SLC3A2: variants seen among roughly 807,000 people sequenced by gnomAD.
SLC3A2 encodes solute carrier family 3 member 2.
SLC3A2 carries 32 observed loss-of-function variants against 48.5 expected under a neutral mutation model. That is an observed-to-expected ratio of 0.66 (90% confidence interval 0.50 to 0.89). The LOEUF is 0.89. Among genes scored for constraint, SLC3A2 ranks in the 40% least tolerant of loss-of-function variants. SLC3A2 has a pLI of 0.00. For missense variants in SLC3A2, 587 were observed against 680.7 expected (o/e 0.86, Z 1.53); for synonymous variants, 277 against 288.8 (o/e 0.96, Z 0.41).
chr11:62,885,726 C>G, intron 7 of SLC3A2, 118 bp downstream of exon 7: 1 of 1,111,670 alleles, frequency 9.0e-7, no homozygotes, highest in Non-Finnish European at 1.3e-6. Context: ...GATTCTTAGT[C>G]AGTAGCTGAG....
At chr11:62,876,865 G>A (rs1045209073), upstream of SLC3A2, 2 of 1,049,288 alleles carry the variant, frequency 1.9e-6, no homozygotes, top group Non-Finnish European at 2.4e-6. Context: ...GCCTCCGGAA[G>A]TGCTGGGATT....
chr11:62,867,322 C>CTTTTTTTT (rs56758000), intron 1 of SLC3A2, among the ~76,000 whole-genome samples: 8 of 67,666 alleles, frequency 1.2e-4, no homozygotes, highest in East Asian at 4.1e-4. Context: ...CTTTTCTTTT[C>CTTTTTTTT]TTTTTTTTTT....
At chr11:62,868,418 T>A (rs1364886480) in intron 1 of SLC3A2, among the ~76,000 whole-genome samples, 1 of 146,538 alleles carries the variant, frequency 6.8e-6, no homozygotes, top group Non-Finnish European at 1.5e-5. Context: ...CAGGCTGGAG[T>A]GCAGTGGCAC....
rs367846852 is a variant in SLC3A2 at position 62,885,482 on chromosome 11, C to T, written c.1017C>T (p.Leu339=). ...CCCTGTAGTTGTCTCAGGCAAGGCT[C>T]CTGACTTCCTTCTTGCCGGCTCAAC... is the stretch of plus-strand genomic sequence containing the variant. ...WCSWSLSQAR[L]LTSFLPAQLL... Residue 339 remains leucine (L), a synonymous_variant, in exon 7 of 9, where the codon CTC becomes CTT. Transcript: ENST00000338663. 90 of 1,614,052 alleles carry T rather than the reference C, an allele frequency of 5.6e-5. No homozygotes were observed. The highest frequency in any genetic ancestry group is 7.5e-5 in the Non-Finnish European group (88 of 1,180,040).
At chr11:62,865,561 C>CA (rs35320203) in intron 1 of SLC3A2, among the ~76,000 whole-genome samples, 43,276 of 87,146 alleles carry the variant, frequency 0.5, 9,436 homozygotes, top group Non-Finnish European at 0.58. Context: ...GTCTCCCCCA[C>CA]AAAAAAAAAA....
At position 62,884,747 on chromosome 11, in the gene SLC3A2, G is replaced by T; in HGVS notation, c.818+57G>T. ...TCCAATGTGGGAACCCCTCAGTGGA[G>T]TGCTAGGCCTAAGAAGGGGGGATTC... On this transcript the variant is annotated intron_variant, in intron 5 of 8. Coordinates refer to ENST00000338663, the MANE Select transcript of SLC3A2 (RefSeq NM_001013251.3). 3 of 1,377,950 alleles carry T rather than the reference G, an allele frequency of 2.2e-6. No individual in the cohort carries two copies. The South Asian group carries it at 4.2e-5, about 19-fold the overall frequency. 85.4% of individuals were successfully genotyped at this position (1,377,950 alleles called of 1,614,324 possible).
chr11:62,881,733 T>A lies in SLC3A2; in HGVS notation c.425-160T>A, dbSNP rs1402137849. 9 of 871,458 alleles carry A rather than the reference T, an allele frequency of 1.0e-5. No homozygotes were observed. 54.0% of individuals were successfully genotyped at this position (871,458 alleles called of 1,614,324 possible). A position where few individuals can be genotyped will look rare whatever the true frequency, so the allele number is the denominator to read the frequency against. On this transcript the variant is annotated intron_variant, in intron 1 of 8. Coordinates refer to ENST00000338663, the MANE Select transcript of SLC3A2 (RefSeq NM_001013251.3). The surrounding 1 kb of genome is among the most constrained non-coding windows in gnomAD (Gnocchi z 4.0). ...CGGTTTCTGAAGTAATGTGCAGGACTCCTTACATCAGCTCCTCTGAGTCTC... is the reference window on the plus strand; with the variant it reads ...CGGTTTCTGAAGTAATGTGCAGGACACCTTACATCAGCTCCTCTGAGTCTC...
intron 1 of SLC3A2, among the ~76,000 whole-genome samples, chr11:62,862,531 C>G (rs897462446): frequency 6.6e-5 from 10 of 151,864 alleles, no homozygotes; most frequent in Non-Finnish European, 1.2e-4. Context: ...ACCCCTCCCC[C>G]AAGCCTAAAC....
chr11:62,876,967 G>T (rs2085576971), upstream of SLC3A2: 2 of 988,240 alleles, frequency 2.0e-6, no homozygotes, highest in African/African-American at 1.7e-5. Context: ...GGTTTATCTT[G>T]ATATGATACA....
chr11:62,859,556 G>T (rs535933199), intron 1 of SLC3A2, among the ~76,000 whole-genome samples: 2 of 152,024 alleles, frequency 1.3e-5, no homozygotes. Context: ...GTGTGGGTGC[G>T]GTGGCAGGCG....
chr11:62,885,492 T>A lies in SLC3A2; in HGVS notation c.1027T>A (p.Phe343Ile). Residue 343 changes from phenylalanine to isoleucine, a missense_variant, in exon 7 of 9, where the codon TTC becomes ATC. This residue lies in a region of SLC3A2 where 409 missense variants were observed against 446.7 expected (regional missense o/e 0.92). Transcript: ENST00000338663. ...SLSQARLLTS[F>I]LPAQLLRLYQ... Reference sequence around the variant, plus strand: ...GTCTCAGGCAAGGCTCCTGACTTCCTTCTTGCCGGCTCAACTTCTCCGACT... The same window carrying A: ...GTCTCAGGCAAGGCTCCTGACTTCCATCTTGCCGGCTCAACTTCTCCGACT... 6.2e-7 allele frequency: 1 copy of A among 1,614,204 alleles called. No homozygotes were observed. Among genetic ancestry groups the A allele is most frequent in the South Asian group, 1.1e-5 (1 of 91,088 alleles).
chr11:62,882,943 C>G lies in SLC3A2; in HGVS notation c.634C>G (p.Arg212Gly), dbSNP rs142988967. 8.1e-6 allele frequency: 13 copies of G among 1,614,208 alleles called. No homozygotes were observed. The highest frequency in any genetic ancestry group is 1.1e-5 in the Non-Finnish European group (13 of 1,180,042). Reference protein sequence around the residue: ...RVILDLTPNYRGENSWFSTQV... With the variant: ...RVILDLTPNYGGENSWFSTQV... ...CATTCTGGACCTTACTCCCAACTAC[C>G]GGGGTGAGAACTCGTGGTTCTCCAC... Residue 212 changes from arginine to glycine, a missense_variant, in exon 3 of 9, where the codon CGG becomes GGG. Arg to Gly is a moderately radical substitution (Grantham distance 125). Coordinates refer to ENST00000338663, the MANE Select transcript of SLC3A2 (RefSeq NM_001013251.3).
At chr11:62,864,923 C>T (rs2085437843) in intron 1 of SLC3A2, among the ~76,000 whole-genome samples, 3 of 152,110 alleles carry the variant, frequency 2.0e-5, no homozygotes, top group Non-Finnish European at 4.4e-5. Flanking sequence ...ACACTTGGAA[C>T]TGAGGAAATA....
chr11:62,862,132 C>A (rs1183711936), intron 1 of SLC3A2, among the ~76,000 whole-genome samples: 12 of 151,300 alleles, frequency 7.9e-5, no homozygotes, highest in African/African-American at 2.9e-4. Flanking sequence ...GCCTGGGCAA[C>A]ATGGTGAAAT....
At chr11:62,882,325 A>T (rs2085652434) in intron 2 of SLC3A2, 1 of 415,472 alleles carries the variant, frequency 2.4e-6, no homozygotes, top group Non-Finnish European at 4.4e-6. Flanking sequence ...TATTTACTAA[A>T]CCAGTGGTTT....
At chr11:62,865,870 T>G (rs528093747) in intron 1 of SLC3A2, among the ~76,000 whole-genome samples, 1 of 152,188 alleles carries the variant, frequency 6.6e-6, no homozygotes, top group African/African-American at 2.4e-5. Context: ...CTCTGTTACG[T>G]GTTGGGAGAT....
chr11:62,883,474 A>G (rs1011427612), intron 3 of SLC3A2: 1 of 184,952 alleles, frequency 5.4e-6, no homozygotes, highest in South Asian at 1.0e-4. Flanking sequence ...AAGGTATATA[A>G]TTTGCCATAG....
At position 62,882,075 on chromosome 11, in the gene SLC3A2, C is replaced by T. The variant is rs1361756675; in HGVS notation, c.598+9C>T. ...ATCGGCTAAAAAAAAGAGTGGGTAT[C>T]CTGGGGTTCCCAAGGAAACAGCTAG... On this transcript the variant is annotated intron_variant, in intron 2 of 8. Transcript: ENST00000338663. 5 of 1,613,864 alleles carry T rather than the reference C, an allele frequency of 3.1e-6. No individual in the cohort carries two copies. Among genetic ancestry groups the T allele is most frequent in the Non-Finnish European group, 4.2e-6 (5 of 1,179,958 alleles).
chr11:62,882,616 C>T (rs542515909), intron 2 of SLC3A2: 28 of 354,646 alleles, frequency 7.9e-5, no homozygotes, highest in African/African-American at 3.1e-4. Flanking sequence ...TCCTGAGTAG[C>T]TGGTACTACA....
Sources: allele counts gnomAD v4.1 joint callset (sites outside exome capture counted in the v4.1 genomes callset), GRCh38; gene constraint gnomAD v4.1.1; regional missense constraint gnomAD v4.1.1; non-coding constraint Gnocchi (gnomAD v3.1); transcripts MANE v1.5; gene names NCBI Gene and HGNC (gene_info 2026-07-23, HGNC 2026-07-21).